The following ATP2B2 variants were observed in gnomAD, a reference collection of about 807,000 sequenced individuals.
ATP2B2 encodes plasma membrane calcium-transporting ATPase 2.
In ATP2B2, 15 loss-of-function variants were observed where a neutral mutation model predicts 120.0. The observed-to-expected ratio is 0.12, with a 90% CI of 0.08 to 0.19. ATP2B2 has a LOEUF of 0.19. Among genes scored for constraint, ATP2B2 ranks in the 10% least tolerant of loss-of-function variants. ATP2B2 has a pLI of 1.00. For missense variants in ATP2B2, 1,045 were observed against 1,719.8 expected (o/e 0.61, Z 6.94); for synonymous variants, 694 against 700.3 (o/e 0.99, Z 0.14).
In ATP2B2 at chr3:10,401,089, G is replaced by A. The variant is rs1302697168; in HGVS notation, c.656-11C>T. 6.2e-7 allele frequency: 1 copy of A among 1,613,714 alleles called. No homozygotes were observed. The highest frequency in any genetic ancestry group is 1.7e-5 in the Admixed American group (1 of 60,014). On this transcript the variant is annotated splice_polypyrimidine_tract_variant and intron_variant, in intron 4 of 22. Transcript: ENST00000360273. ...CAGGGAGGAGGTCACCTGGCAAGAG[G>A]AAGGGCAGGGGAGTCAGCAGGCTCT...
chr3:10,510,902 C>T (rs962917937), intron 3 of ATP2B2, among the ~76,000 whole-genome samples: 6 of 152,318 alleles, frequency 3.9e-5, no homozygotes, highest in Non-Finnish European at 2.9e-5. Flanking sequence ...GTCCTCCCCC[C>T]TCCTCCCCTG....
chr3:10,391,243 G>A (rs1416148351), intron 5 of ATP2B2, among the ~76,000 whole-genome samples: 1 of 152,182 alleles, frequency 6.6e-6, no homozygotes, highest in African/African-American at 2.4e-5. Flanking sequence ...TCACTCTGCA[G>A]GTGAGGGGCA....
intron 1 of ATP2B2, among the ~76,000 whole-genome samples, chr3:10,638,709 C>T (rs1329119693): frequency 6.6e-6 from 1 of 152,076 alleles, no homozygotes; most frequent in African/African-American, 2.4e-5. Context: ...TCTATGTTGT[C>T]TATAAGAAAT....
At chr3:10,582,441 T>C (rs942673541) in intron 2 of ATP2B2, among the ~76,000 whole-genome samples, 1 of 152,216 alleles carries the variant, frequency 6.6e-6, no homozygotes, top group Non-Finnish European at 1.5e-5. Context: ...AGGGATGGAC[T>C]CTCGGACTGA....
intron 14 of ATP2B2, among the ~76,000 whole-genome samples, chr3:10,353,513 G>C (rs143213907): frequency 5.5e-4 from 84 of 152,356 alleles, no homozygotes; most frequent in Admixed American, 2.4e-3. Flanking sequence ...AGGTGATCTG[G>C]AGGGGCTGAG....
intron 1 of ATP2B2, among the ~76,000 whole-genome samples, chr3:10,494,197 A>G (rs994372319): frequency 6.6e-6 from 1 of 151,994 alleles, no homozygotes; most frequent in Non-Finnish European, 1.5e-5. Flanking sequence ...AGATTAAGGG[A>G]GAGATGGTGA....
At chr3:10,345,246 C>T in intron 18 of ATP2B2, 138 bp downstream of exon 18, 1 of 976,408 alleles carries the variant, frequency 1.0e-6, no homozygotes, top group Non-Finnish European at 1.5e-6. Flanking sequence ...TTCCTGGCCC[C>T]CAGCAGGTGC....
intron 1 of ATP2B2, among the ~76,000 whole-genome samples, chr3:10,479,496 G>A (rs2065323639): frequency 6.6e-6 from 1 of 151,784 alleles, no homozygotes; most frequent in Admixed American, 6.6e-5. Flanking sequence ...CATCCTGGTT[G>A]TATTTTAAAC....
chr3:10,477,403 A>G (rs1214417980), intron 1 of ATP2B2, among the ~76,000 whole-genome samples: 5 of 152,220 alleles, frequency 3.3e-5, no homozygotes, highest in Admixed American at 2.0e-4. Flanking sequence ...TCTACATAAC[A>G]TGGGATTTAC....
intron 1 of ATP2B2, among the ~76,000 whole-genome samples, chr3:10,502,060 G>T (rs2066416243): frequency 6.6e-6 from 1 of 152,222 alleles, no homozygotes. Flanking sequence ...GCAGAGGAGG[G>T]CAGTGGGACA....
At chr3:10,609,162 G>T (rs1283880719) in intron 2 of ATP2B2, among the ~76,000 whole-genome samples, 1 of 152,174 alleles carries the variant, frequency 6.6e-6, no homozygotes, top group African/African-American at 2.4e-5. Flanking sequence ...AGGACCCCGT[G>T]GCTCTACTGC....
At chr3:10,453,332 G>A (rs1161350906) in intron 1 of ATP2B2, among the ~76,000 whole-genome samples, 1 of 152,222 alleles carries the variant, frequency 6.6e-6, no homozygotes, top group Non-Finnish European at 1.5e-5. Context: ...CCAGAACATA[G>A]TCAGCACTCA....
intron 2 of ATP2B2, among the ~76,000 whole-genome samples, chr3:10,415,518 G>C (rs1177800678): frequency 2.0e-5 from 3 of 152,194 alleles, no homozygotes; most frequent in Non-Finnish European, 2.9e-5. Flanking sequence ...AGGGCTGGTG[G>C]CTCTGGTACT....
At chr3:10,541,133 T>A (rs1013471206) in intron 2 of ATP2B2, among the ~76,000 whole-genome samples, 4 of 152,170 alleles carry the variant, frequency 2.6e-5, no homozygotes, top group African/African-American at 9.6e-5. Context: ...ATTTTGGTCA[T>A]GTGTGTCTTC....
intron 3 of ATP2B2, among the ~76,000 whole-genome samples, chr3:10,525,189 A>G (rs1351786573): frequency 6.6e-6 from 1 of 152,142 alleles, no homozygotes; most frequent in Non-Finnish European, 1.5e-5. Flanking sequence ...GCACTTACAG[A>G]TTCAAGAAGA....
At chr3:10,668,995 G>A (rs1248893656) in intron 1 of ATP2B2, among the ~76,000 whole-genome samples, 1 of 152,170 alleles carries the variant, frequency 6.6e-6, no homozygotes, top group Non-Finnish European at 1.5e-5. Flanking sequence ...TGAGTCACGT[G>A]GCTTGCAAAT....
intron 1 of ATP2B2, among the ~76,000 whole-genome samples, chr3:10,688,154 T>C (rs2071568821): frequency 1.3e-5 from 2 of 152,158 alleles, no homozygotes; most frequent in Admixed American, 1.3e-4. Context: ...CTTCAGTTTC[T>C]CCAATTGTGA....
rs2060307048 is a variant in ATP2B2, at chr3:10,342,488, A to G, written c.2917+264T>C. ...CTTCAGCACCCGGTCAGGGCCTTGCACGGTCTGTACTTGTTGCCAGGAGCT... is the reference window on the plus strand; with the variant it reads ...CTTCAGCACCCGGTCAGGGCCTTGCGCGGTCTGTACTTGTTGCCAGGAGCT... On this transcript the variant is annotated intron_variant, in intron 19 of 22. Transcript: ENST00000360273. This position sits in a 1 kb window ranked among gnomAD's most constrained non-coding sequence, Gnocchi z 4.4. 6.6e-6 allele frequency among the ~76,000 whole-genome samples: 1 copy of G among 152,166 alleles called. No homozygotes were observed. The highest frequency in any genetic ancestry group is 6.5e-5 in the Admixed American group (1 of 15,286).
chr3:10,403,855 C>G (rs2062316911), intron 3 of ATP2B2, among the ~76,000 whole-genome samples: 1 of 152,224 alleles, frequency 6.6e-6, no homozygotes, highest in African/African-American at 2.4e-5. Flanking sequence ...TGGGATCTGA[C>G]ACCAGACCTG....
Sources: gnomAD v4.1 joint callset for allele counts (sites outside exome capture counted in the v4.1 genomes callset) on GRCh38, gnomAD v4.1.1 for gene constraint, Gnocchi (gnomAD v3.1) non-coding constraint, MANE v1.5 for transcripts, NCBI Gene and HGNC (gene_info 2026-07-23, HGNC 2026-07-21) for gene names.